ZC2HC1B: variants seen among roughly 807,000 people sequenced by gnomAD.
The protein encoded by ZC2HC1B is zinc finger C2HC domain-containing protein 1B.
ZC2HC1B carries 36 observed loss-of-function variants against 31.0 expected under a neutral mutation model. That is an observed-to-expected ratio of 1.16 (90% CI 0.89 to 1.54). ZC2HC1B has a LOEUF of 1.54. Among genes scored for constraint, ZC2HC1B ranks in the 40% most tolerant of loss-of-function variants. The pLI is 0.00. For synonymous variants in ZC2HC1B, 73 were observed against 88.0 expected, an observed-to-expected ratio of 0.83 and a Z score of 0.95; for missense variants, 260 against 268.6, an observed-to-expected ratio of 0.97 and a Z score of 0.22.
intron 6 of ZC2HC1B, among the ~76,000 whole-genome samples, chr6:143,930,035 T>G (rs1237891557): frequency 6.6e-6 from 1 of 152,164 alleles, no homozygotes; most frequent in Non-Finnish European, 1.5e-5. Context: ...TTTCTTCAAA[T>G]GAACAACTTT....
In ZC2HC1B at chr6:143,908,822, G is replaced by C. The variant is rs1170134749; in HGVS notation, c.598+5670G>C. The stretch of plus-strand genomic sequence containing the variant: ...GAACTTCCAGTACTATGTTCAATAG[G>C]AGTGGTGAGAGAGGGCCTCTTTGTC... On this transcript the variant is annotated intron_variant, in intron 6 of 7. Coordinates refer to ENST00000237275, the MANE Select transcript of ZC2HC1B (RefSeq NM_001013623.3). This position sits in a 1 kb window ranked among gnomAD's most constrained non-coding sequence, Gnocchi z 4.4. Among the ~76,000 whole-genome samples, 2 of 152,174 alleles carry C rather than the reference G, an allele frequency of 1.3e-5. No individual in the cohort carries two copies. The highest frequency in any genetic ancestry group is 2.9e-5 in the Non-Finnish European group (2 of 68,038).
rs575162616 is a variant in ZC2HC1B at position 143,925,313 on chromosome 6, G to C, written c.599-12336G>C. 3.4e-4 allele frequency among the ~76,000 whole-genome samples: 51 copies of C among 149,892 alleles called. 1 individual carries two copies. In the East Asian group the frequency reaches 9.6e-3, roughly 28 times the overall value. On this transcript the variant is annotated intron_variant, in intron 6 of 7. Transcript: ENST00000237275. ...GCGTCAGCCTCCCGAGCAGCTGGGA[G>C]TATAGGCACCCGCCACCATGCCTGG...
At chr6:143,920,636 C>A (rs564348136) in intron 6 of ZC2HC1B, among the ~76,000 whole-genome samples, 1 of 152,056 alleles carries the variant, frequency 6.6e-6, no homozygotes, top group Non-Finnish European at 1.5e-5. Flanking sequence ...CACGGCTGGG[C>A]GTGGTGGCTC....
Position 143,917,284 on chromosome 6 carries a change from CTCTT to C in ZC2HC1B, c.598+14138_598+14141del, listed in dbSNP as rs1777931193. Among the ~76,000 whole-genome samples, 1 of 152,146 alleles carries C rather than the reference CTCTT, an allele frequency of 6.6e-6. No individual in the cohort carries two copies. Among genetic ancestry groups the C allele is most frequent in the Admixed American group, 6.5e-5 (1 of 15,270 alleles). The stretch of plus-strand genomic sequence containing the variant: ...ACATGGAACTGTAAGTCCAATAAAC[CTCTT>C]TCTTTTGTAAATTGCCCAGTCTTGG... On this transcript the variant is annotated intron_variant, in intron 6 of 7. Coordinates refer to ENST00000237275, the MANE Select transcript of ZC2HC1B (RefSeq NM_001013623.3). The surrounding 1 kb of genome is among the most constrained non-coding windows in gnomAD (Gnocchi z 4.1).
intron 4 of ZC2HC1B, among the ~76,000 whole-genome samples, chr6:143,896,395 G>A (rs746559747): frequency 6.6e-6 from 1 of 152,184 alleles, no homozygotes; most frequent in Non-Finnish European, 1.5e-5. Flanking sequence ...TCTTATGTAA[G>A]ACTTCACTTT....
At chr6:143,900,390 CAAAAA>C (rs200482247) in intron 5 of ZC2HC1B, among the ~76,000 whole-genome samples, 2 of 84,416 alleles carry the variant, frequency 2.4e-5, no homozygotes, top group East Asian at 5.2e-4. Flanking sequence ...AACTCCGTCT[CAAAAA>C]AAAAAAAAAA....
intron 6 of ZC2HC1B, among the ~76,000 whole-genome samples, chr6:143,925,937 C>A (rs1778035095): frequency 6.6e-6 from 1 of 152,126 alleles, no homozygotes; most frequent in African/African-American, 2.4e-5. Flanking sequence ...CTGATGATTT[C>A]TTGTATTTCT....
Position 143,886,771 on chromosome 6 carries a change from T to C in ZC2HC1B, c.299T>C (p.Ile100Thr). 6.5e-7 allele frequency: 1 copy of C among 1,549,578 alleles called. No individual in the cohort carries two copies. Among genetic ancestry groups the C allele is most frequent in the Non-Finnish European group, 8.7e-7 (1 of 1,145,970 alleles). The change falls in exon 4 of 8, where the codon ATT (isoleucine) becomes ACT (threonine). Residue 100 changes from isoleucine (I) to threonine (T), a missense_variant. Transcript: ENST00000237275. This position sits in a 1 kb window ranked among gnomAD's most constrained non-coding sequence, Gnocchi z 4.2. ...TCAGCAAAGCAGTGTATGCTAGCCA[T>C]TAAAGAAGGCCGACCCCTCCCACCT... Reference protein sequence around the residue: ...IRSAKQCMLAIKEGRPLPPPP... With the variant: ...IRSAKQCMLATKEGRPLPPPP...
chr6:143,926,111 C>T (rs995447449), intron 6 of ZC2HC1B, among the ~76,000 whole-genome samples: 2 of 151,970 alleles, frequency 1.3e-5, no homozygotes, highest in Non-Finnish European at 2.9e-5. Flanking sequence ...TTTAAAGTCT[C>T]TATTACATTT....
At chr6:143,930,790 A>G (rs1387834659) in intron 6 of ZC2HC1B, among the ~76,000 whole-genome samples, 1 of 152,230 alleles carries the variant, frequency 6.6e-6, no homozygotes, top group Non-Finnish European at 1.5e-5. Context: ...TTGTTGCATA[A>G]CATGTTGTCT....
rs971927289 is a variant in ZC2HC1B, at chr6:143,915,169, C to T, written c.598+12017C>T. ...GGGACCCAGTGGGAAGTAATTGAAT[C>T]ATGGGGGCAAGTCTTCCCTGTGCTA... On this transcript the variant is annotated intron_variant, in intron 6 of 7. Transcript: ENST00000237275. This position sits in a 1 kb window ranked among gnomAD's most constrained non-coding sequence, Gnocchi z 5.2. Among the ~76,000 whole-genome samples the T allele has an allele frequency of 6.6e-6, 1 of 152,110 alleles. No homozygotes were observed. Among genetic ancestry groups the T allele is most frequent in the African/African-American group, 2.4e-5 (1 of 41,410 alleles).
chr6:143,871,644 C>T lies in ZC2HC1B; in HGVS notation c.28+7077C>T, dbSNP rs1291006882. Among the ~76,000 whole-genome samples, 1 of 152,210 alleles carries T rather than the reference C, an allele frequency of 6.6e-6. No individual in the cohort carries two copies. The highest frequency in any genetic ancestry group is 1.5e-5 in the Non-Finnish European group (1 of 68,036). On this transcript the variant is annotated intron_variant, in intron 1 of 7. Transcript: ENST00000237275. The surrounding 1 kb of genome is among the most constrained non-coding windows in gnomAD (Gnocchi z 4.1). The stretch of plus-strand genomic sequence containing the variant: ...AGTTGAACAGGGATGTGGTAGGAAT[C>T]ACCACCCTGAGTCTTTCAAGTCCTT...
Position 143,924,997 on chromosome 6 carries a change from C to T in ZC2HC1B, c.599-12652C>T, listed in dbSNP as rs1245148988. Among the ~76,000 whole-genome samples, 2 of 152,026 alleles carry T rather than the reference C, an allele frequency of 1.3e-5. No individual in the cohort carries two copies. Among genetic ancestry groups the T allele is most frequent in the South Asian group, 2.1e-4 (1 of 4,820 alleles). ...GTTTTGGTATCAGGGTAATACTGGC[C>T]TCACAGAATGAGTAAGGAAGAATTT... On this transcript the variant is annotated intron_variant, in intron 6 of 7. Transcript: ENST00000237275. This position sits in a 1 kb window ranked among gnomAD's most constrained non-coding sequence, Gnocchi z 5.2.
Position 143,922,441 on chromosome 6 carries a change from C to T in ZC2HC1B, c.599-15208C>T, listed in dbSNP as rs560491324. Among the ~76,000 whole-genome samples the T allele has an allele frequency of 5.3e-5, 8 of 152,282 alleles. No individual in the cohort carries two copies. Among genetic ancestry groups the T allele is most frequent in the East Asian group, 3.9e-4 (2 of 5,186 alleles). On this transcript the variant is annotated intron_variant, in intron 6 of 7. Coordinates refer to ENST00000237275, the MANE Select transcript of ZC2HC1B (RefSeq NM_001013623.3). The surrounding 1 kb of genome is among the most constrained non-coding windows in gnomAD (Gnocchi z 5.0). The stretch of plus-strand genomic sequence containing the variant: ...TTATTCTTTCTATCTAACTGTATTT[C>T]GTACCTACTAACCAACCTCTCCACC...
intron 1 of ZC2HC1B, among the ~76,000 whole-genome samples, chr6:143,879,990 A>G (rs1394846314): frequency 1.3e-5 from 2 of 151,796 alleles, no homozygotes; most frequent in African/African-American, 4.8e-5. Context: ...ATGCCTGGCT[A>G]ATTTTTAAAA....
rs533245577 is a variant in ZC2HC1B at position 143,926,774 on chromosome 6, ATATATAAC to A, written c.599-10873_599-10866del. Among the ~76,000 whole-genome samples the A allele has an allele frequency of 1.6e-3, 242 of 148,564 alleles. 5 individuals are homozygous for A. The highest frequency in any genetic ancestry group is 0.012 in the East Asian group (60 of 5,092). ...CCCTTCAGATCTAATAATATTTGCT[ATATATAAC>A]TGGATGTTCTGGTGTTAAGTTCATA... On this transcript the variant is annotated intron_variant, in intron 6 of 7. Coordinates refer to ENST00000237275, the MANE Select transcript of ZC2HC1B (RefSeq NM_001013623.3).
intron 6 of ZC2HC1B, among the ~76,000 whole-genome samples, chr6:143,910,364 G>A (rs1352211270): frequency 6.6e-6 from 1 of 152,186 alleles, no homozygotes; most frequent in Non-Finnish European, 1.5e-5. Flanking sequence ...TGCTTTTGTT[G>A]AGGAGTGTTT....
chr6:143,936,926 C>T (rs1778185647), intron 6 of ZC2HC1B, among the ~76,000 whole-genome samples: 1 of 152,214 alleles, frequency 6.6e-6, no homozygotes, highest in African/African-American at 2.4e-5. Flanking sequence ...ACTGAAAGCT[C>T]TTTCTATTCC....
At chr6:143,901,222 T>G (rs1188248274) in intron 5 of ZC2HC1B, among the ~76,000 whole-genome samples, 4 of 151,432 alleles carry the variant, frequency 2.6e-5, no homozygotes, top group Non-Finnish European at 5.9e-5. Context: ...TAGTCAGGGT[T>G]TGAATTTCTT....
Sources: gnomAD v4.1 joint callset for allele counts (sites outside exome capture counted in the v4.1 genomes callset) on GRCh38, gnomAD v4.1.1 for gene constraint, Gnocchi (gnomAD v3.1) non-coding constraint, MANE v1.5 for transcripts, NCBI Gene and HGNC (gene_info 2026-07-23, HGNC 2026-07-21) for gene names.